The following XDH variants were observed in gnomAD, a reference collection of about 807,000 sequenced individuals.
The protein encoded by XDH is xanthine dehydrogenase/oxidase.
Under a neutral mutation model 156.1 loss-of-function variants are expected in XDH, and 138 were observed. That is an observed-to-expected ratio of 0.88 (90% confidence interval 0.77 to 1.02). The LOEUF is 1.02. Ranked by LOEUF, XDH falls within the 50% of genes least tolerant of loss-of-function variation. The pLI is 0.00. For missense variants in XDH, 1,849 were observed against 1,684.9 expected (o/e 1.10, Z -1.71); for synonymous variants, 669 against 625.7 (o/e 1.07, Z -1.03).
intron 24 of XDH, among the ~76,000 whole-genome samples, chr2:31,362,132 G>A (rs1047389896): frequency 6.6e-6 from 1 of 152,158 alleles, no homozygotes; most frequent in East Asian, 1.9e-4. Flanking sequence ...CTGCCTTTTG[G>A]GGTGAGTAGA....
At chr2:31,401,132 C>T (rs989494803) in intron 4 of XDH, 88 bp downstream of exon 4, 6 of 1,471,942 alleles carry the variant, frequency 4.1e-6, no homozygotes, top group South Asian at 1.2e-5. Context: ...TTCCCAACAA[C>T]CCAAAGCAAG....
chr2:31,367,182 T>G (rs1023434946), intron 20 of XDH, among the ~76,000 whole-genome samples, 188 bp from the exon 21 acceptor site: 21 of 152,152 alleles, frequency 1.4e-4, no homozygotes, highest in African/African-American at 5.1e-4. Flanking sequence ...AGCTGAGTGC[T>G]CCAGCCTCAT....
chr2:31,336,239 A>T (rs1469126930), intron 35 of XDH, among the ~76,000 whole-genome samples: 1 of 152,258 alleles, frequency 6.6e-6, no homozygotes, highest in African/African-American at 2.4e-5. Flanking sequence ...GGTTTTGGAG[A>T]TATGGTGACA....
In XDH at chr2:31,411,881, T is replaced by C. The variant is rs1687352018; in HGVS notation, c.42+2744A>G. Among the ~76,000 whole-genome samples, 3 of 152,358 alleles carry C rather than the reference T, an allele frequency of 2.0e-5. No homozygotes were observed. The South Asian group carries it at 6.2e-4, about 32-fold the overall frequency. On this transcript the variant is annotated intron_variant, in intron 1 of 35. Transcript: ENST00000379416. ...TTGGAGATCTTATTCCCCCAGTGCATATCCTGTTGTCTGAGGCCTCAGAAG... is the reference window on the plus strand; with the variant it reads ...TTGGAGATCTTATTCCCCCAGTGCACATCCTGTTGTCTGAGGCCTCAGAAG...
At chr2:31,341,286 C>T (rs1397113149) in intron 33 of XDH, 43 bp downstream of exon 33, 9 of 1,539,342 alleles carry the variant, frequency 5.8e-6, no homozygotes, top group East Asian at 2.4e-5. Flanking sequence ...TGGGGTGCAT[C>T]GGTGGCCAAG....
intron 18 of XDH, among the ~76,000 whole-genome samples, chr2:31,369,204 G>A (rs1053550185): frequency 1.3e-5 from 2 of 152,056 alleles, no homozygotes; most frequent in Admixed American, 6.6e-5. Flanking sequence ...TATAAGGCCT[G>A]TAAGACACGT....
At chr2:31,366,786 C>G (rs192200681) in intron 21 of XDH, 84 bp downstream of exon 21, 56 of 1,607,870 alleles carry the variant, frequency 3.5e-5, no homozygotes, top group Non-Finnish European at 4.7e-5. Flanking sequence ...TCTCCCTCTT[C>G]CTATTTCCCA....
chr2:31,364,947 G>T (rs983500593), intron 23 of XDH, among the ~76,000 whole-genome samples: 1 of 152,196 alleles, frequency 6.6e-6, no homozygotes, highest in Non-Finnish European at 1.5e-5. Flanking sequence ...GGGAAAGGGT[G>T]CATTGGTCAT....
At chr2:31,389,160 C>A (rs2147995777) in intron 6 of XDH, among the ~76,000 whole-genome samples, 1 of 152,332 alleles carries the variant, frequency 6.6e-6, no homozygotes, top group South Asian at 2.1e-4. Flanking sequence ...AAAAAGCAGG[C>A]TGGGAGCAGT....
At chr2:31,412,714 T>C (rs1687375801) in intron 1 of XDH, among the ~76,000 whole-genome samples, 1 of 152,210 alleles carries the variant, frequency 6.6e-6, no homozygotes, top group Non-Finnish European at 1.5e-5. Context: ...GTCTAGAATA[T>C]CTTCTGAATA....
chr2:31,353,520 G>A (rs960874812), intron 24 of XDH, among the ~76,000 whole-genome samples: 4 of 152,150 alleles, frequency 2.6e-5, no homozygotes, highest in Non-Finnish European at 1.5e-5. Flanking sequence ...GTCCCAGTAG[G>A]GACTTTGCAA....
intron 2 of XDH, among the ~76,000 whole-genome samples, chr2:31,404,822 C>G (rs1364037387): frequency 1.3e-5 from 2 of 152,148 alleles, no homozygotes; most frequent in Admixed American, 6.5e-5. Context: ...CAAAGTACAC[C>G]AAAGCCAACC....
chr2:31,410,906 T>C (rs566157442), intron 1 of XDH, among the ~76,000 whole-genome samples: 5 of 152,206 alleles, frequency 3.3e-5, no homozygotes, highest in African/African-American at 1.2e-4. Context: ...ATTGGGAAAA[T>C]TGGAATACAT....
At position 31,387,869 on chromosome 2, in the gene XDH, G is replaced by A. The variant is rs1431194851; in HGVS notation, c.593C>T (p.Pro198Leu). Residue 198 changes from proline (P) to leucine (L), a missense_variant, in exon 8 of 36, where the codon CCA (proline) becomes CTA (leucine). By Grantham distance (98) the Pro-to-Leu change is moderately conservative. Coordinates refer to ENST00000379416, the MANE Select transcript of XDH (RefSeq NM_000379.4). The part of the protein sequence containing the change: ...SVSLSPSLFK[P>L]EEFTPLDPTQ... The stretch of plus-strand genomic sequence containing the variant: ...TGGATCCAGGGGCGTGAACTCCTCT[G>A]GTTTGAATAAAGATGGCGAGAGGCT... 2 of 1,587,410 alleles carry A rather than the reference G, an allele frequency of 1.3e-6. No individual in the cohort carries two copies. The highest frequency in any genetic ancestry group is 1.7e-6 in the Non-Finnish European group (2 of 1,167,452).
intron 9 of XDH, among the ~76,000 whole-genome samples, chr2:31,386,144 A>T (rs185791937): frequency 6.6e-6 from 1 of 152,286 alleles, no homozygotes; most frequent in East Asian, 1.9e-4. Flanking sequence ...CCCATATAAA[A>T]AACAGAAAAT....
chr2:31,364,234 A>T lies in XDH; in HGVS notation c.2555T>A (p.Met852Lys), dbSNP rs548580818. The change falls in exon 24 of 36, where the codon ATG becomes AAG. Residue 852 changes from methionine to lysine, a missense_variant. Met to Lys is a moderately conservative substitution (Grantham distance 95, BLOSUM62 -1). Coordinates refer to ENST00000379416, the MANE Select transcript of XDH (RefSeq NM_000379.4). ...AAGAGCCACAACTGTCCCAGTCTTC[A>T]TGAAGCCAACCTGATAAAAGGAGAA... ...PFLARYKVGF[M>K]KTGTVVALEV... 5.6e-6 allele frequency: 9 copies of T among 1,614,162 alleles called. No homozygotes were observed. In the South Asian group the frequency reaches 9.9e-5, roughly 18 times the overall value.
intron 1 of XDH, among the ~76,000 whole-genome samples, chr2:31,411,217 G>T (rs544067199): frequency 3.0e-4 from 45 of 150,962 alleles, no homozygotes; most frequent in African/African-American, 1.0e-3. Flanking sequence ...AGGCGGCAAG[G>T]TTGCAGTGAG....
intron 32 of XDH, 72 bp downstream of exon 32, chr2:31,342,111 G>C (rs1226920392): frequency 2.2e-6 from 3 of 1,354,000 alleles, no homozygotes; most frequent in Non-Finnish European, 3.2e-6. Flanking sequence ...GTCTCTATCA[G>C]CTCTAGGTAT....
chr2:31,385,514 T>C (rs1481712213), intron 9 of XDH, among the ~76,000 whole-genome samples: 5 of 152,212 alleles, frequency 3.3e-5, no homozygotes, highest in Admixed American at 2.6e-4. Flanking sequence ...AGCCAGGACC[T>C]GACTGCTTAG....
Sources: allele counts gnomAD v4.1 joint callset (sites outside exome capture counted in the v4.1 genomes callset), GRCh38; gene constraint gnomAD v4.1.1; transcripts MANE v1.5; gene names NCBI Gene and HGNC (gene_info 2026-07-23, HGNC 2026-07-21).